MYO6: variants seen among roughly 807,000 people sequenced by gnomAD.
MYO6 encodes the protein myosin VI.
A neutral mutation model predicts 178.7 loss-of-function variants in MYO6; 74 were observed. That is an observed-to-expected ratio of 0.41 (90% CI 0.34 to 0.50). The LOEUF (loss-of-function observed/expected upper bound fraction) is 0.50. Among genes scored for constraint, MYO6 ranks in the 20% least tolerant of loss-of-function variants. MYO6 has a pLI of 0.09. For synonymous variants in MYO6, 477 were observed against 504.6 expected (o/e 0.95, Z 0.73); for missense variants, 1,330 against 1,547.4 (o/e 0.86, Z 2.36).
chr6:75,858,558 T>C (rs755009901), intron 13 of MYO6, among the ~76,000 whole-genome samples: 30 of 152,146 alleles, frequency 2.0e-4, no homozygotes, highest in Non-Finnish European at 2.1e-4. Context: ...TGAGCCAAGA[T>C]TGTAGCACTG....
intron 15 of MYO6, among the ~76,000 whole-genome samples, chr6:75,861,749 T>TATA (rs1287778819): frequency 2.0e-5 from 3 of 152,190 alleles, no homozygotes; most frequent in Admixed American, 6.5e-5. Context: ...AAAAACATAG[T>TATA]ATAATAATAA....
intron 27 of MYO6, among the ~76,000 whole-genome samples, chr6:75,891,618 C>T (rs1357636430): frequency 2.0e-5 from 3 of 151,090 alleles, no homozygotes; most frequent in East Asian, 1.9e-4. Context: ...GGCAACAGAG[C>T]GAGACTCCAT....
intron 2 of MYO6, among the ~76,000 whole-genome samples, chr6:75,820,301 G>A (rs957225914): frequency 6.6e-6 from 1 of 152,142 alleles, no homozygotes; most frequent in African/African-American, 2.4e-5. Flanking sequence ...CCCAGGTGAT[G>A]TTATGTGCTT....
At chr6:75,828,685 C>T (rs754441377) in intron 4 of MYO6, 72 bp downstream of exon 4, 24 of 1,006,082 alleles carry the variant, frequency 2.4e-5, no homozygotes, top group Non-Finnish European at 3.5e-5. Flanking sequence ...GATTTTGTCA[C>T]GCTTGAAATT....
intron 1 of MYO6, among the ~76,000 whole-genome samples, chr6:75,770,895 C>G (rs1765816181): frequency 6.6e-6 from 1 of 151,974 alleles, no homozygotes; most frequent in African/African-American, 2.4e-5. Context: ...TTAGTTGAAT[C>G]TTGATGGATA....
chr6:75,811,928 G>T (rs999256162), intron 1 of MYO6, among the ~76,000 whole-genome samples: 24 of 152,288 alleles, frequency 1.6e-4, no homozygotes, highest in Admixed American at 3.3e-4. Context: ...TAAGGACAAA[G>T]ATAAAAATCG....
rs1016204464 is a variant in MYO6, at chr6:75,852,544, C to A, written c.1079-2595C>A. ...CTCTCAACCCTAGGTGACCACTAAT[C>A]TACTTCCTGTCTATAAATTTATTCT... On this transcript the variant is annotated intron_variant, in intron 11 of 34. Transcript: ENST00000369977. Among the ~76,000 whole-genome samples the A allele has an allele frequency of 6.1e-4, 93 of 152,196 alleles. 1 individual carries two copies. Among genetic ancestry groups the A allele is most frequent in the Admixed American group, 5.5e-3 (84 of 15,276 alleles).
intron 7 of MYO6, among the ~76,000 whole-genome samples, chr6:75,839,425 A>G (rs956556290): frequency 6.6e-6 from 1 of 151,212 alleles, no homozygotes; most frequent in African/African-American, 2.4e-5. Context: ...TCAGCCCTCG[A>G]GATCCGCCTG....
chr6:75,809,038 A>G (rs11963354), intron 1 of MYO6, among the ~76,000 whole-genome samples: 2,556 of 152,340 alleles, frequency 0.017, 70 homozygotes, highest in African/African-American at 0.059. Flanking sequence ...AGAAGAAGCA[A>G]TGAGATATGC....
intron 1 of MYO6, among the ~76,000 whole-genome samples, chr6:75,775,522 G>C (rs1204686161): frequency 2.0e-5 from 3 of 152,194 alleles, no homozygotes; most frequent in Admixed American, 1.3e-4. Context: ...AGCAGCATCT[G>C]GGGTGGATGC....
chr6:75,876,236 T>G (rs1254312071), intron 20 of MYO6, among the ~76,000 whole-genome samples: 1 of 152,198 alleles, frequency 6.6e-6, no homozygotes, highest in Admixed American at 6.5e-5. Context: ...TATTTCACAG[T>G]TGTAGTTACA....
At chr6:75,791,610 T>A (rs1768258563) in intron 1 of MYO6, among the ~76,000 whole-genome samples, 1 of 152,236 alleles carries the variant, frequency 6.6e-6, no homozygotes. Flanking sequence ...AAGTACTCGA[T>A]CAAGGAGACT....
At chr6:75,885,121 A>G (rs1234877117) in intron 23 of MYO6, among the ~76,000 whole-genome samples, 2 of 152,236 alleles carry the variant, frequency 1.3e-5, no homozygotes, top group Non-Finnish European at 2.9e-5. Flanking sequence ...GGTTAGAAGC[A>G]AGATGGAGTT....
rs1781053564 is a variant in MYO6, at chr6:75,915,119, A to C, written c.*107A>C. On this transcript the variant is annotated 3_prime_UTR_variant, in exon 35 of 35. Transcript: ENST00000369977. ...TAATCATGTTAGAGTTACTTCTATA[A>C]AGTGAACAGATTTTATTAATCACGG... 2.8e-6 allele frequency: 3 copies of C among 1,090,200 alleles called. No homozygotes were observed. The highest frequency in any genetic ancestry group is 3.1e-5 in the African/African-American group (2 of 64,628). 67.5% of individuals were successfully genotyped at this position (1,090,200 alleles called of 1,614,324 possible).
intron 1 of MYO6, among the ~76,000 whole-genome samples, chr6:75,788,099 TTAC>T (rs1052356013): frequency 2.6e-5 from 4 of 151,974 alleles, no homozygotes; most frequent in Admixed American, 2.6e-4. Flanking sequence ...AAGTTGAATT[TTAC>T]TATATGTAAA....
intron 2 of MYO6, among the ~76,000 whole-genome samples, chr6:75,818,114 CT>C (rs1163408855): frequency 6.6e-6 from 1 of 152,008 alleles, no homozygotes; most frequent in Admixed American, 6.6e-5. Context: ...ATTATAAAGT[CT>C]TTTTTTAAAG....
rs2150013766 is a variant in MYO6, at chr6:75,768,993, T to C, written c.-48+19570T>C. The stretch of plus-strand genomic sequence containing the variant: ...AGAGGTTGTTGTCACATGGTGAGAG[T>C]GGCAGCAAGAGAAAAAGGAGGGAAG... On this transcript the variant is annotated intron_variant, in intron 1 of 34. Transcript: ENST00000369977. Among the ~76,000 whole-genome samples the C allele has an allele frequency of 2.0e-5, 3 of 151,916 alleles. No homozygotes were observed. In the East Asian group the frequency reaches 5.8e-4, roughly 30 times the overall value.
intron 1 of MYO6, among the ~76,000 whole-genome samples, chr6:75,793,173 T>C (rs1353498719): frequency 6.6e-6 from 1 of 152,202 alleles, no homozygotes; most frequent in African/African-American, 2.4e-5. Flanking sequence ...ATATTTCCAA[T>C]TTTATAATGA....
At chr6:75,761,014 T>G (rs1040435515) in intron 1 of MYO6, among the ~76,000 whole-genome samples, 3 of 152,194 alleles carry the variant, frequency 2.0e-5, no homozygotes, top group African/African-American at 7.2e-5. Flanking sequence ...TTGCTGTCTG[T>G]TATCCTTTTG....
Sources: gnomAD v4.1 joint callset for allele counts (sites outside exome capture counted in the v4.1 genomes callset) on GRCh38, gnomAD v4.1.1 for gene constraint, MANE v1.5 for transcripts, NCBI Gene and HGNC (gene_info 2026-07-23, HGNC 2026-07-21) for gene names.